The following LYPD6 variants were observed in gnomAD, a reference collection of about 807,000 sequenced individuals.
The protein encoded by LYPD6 is LY6/PLAUR domain containing 6.
LYPD6 carries 15 observed loss-of-function variants against 22.7 expected under a neutral mutation model. The observed-to-expected ratio is 0.66, with a 90% CI of 0.44 to 1.02. LYPD6 has a LOEUF of 1.02. Ranked by LOEUF, LYPD6 falls within the 50% of genes least tolerant of loss-of-function variation. LYPD6 has a pLI of 0.00. For synonymous variants in LYPD6, 72 were observed against 77.5 expected (o/e 0.93, Z 0.37); for missense variants, 189 against 208.4 (o/e 0.91, Z 0.57).
At chr2:149,448,202 A>G (rs2105161460) in intron 2 of LYPD6, among the ~76,000 whole-genome samples, 1 of 152,334 alleles carries the variant, frequency 6.6e-6, no homozygotes, top group African/African-American at 2.4e-5. Context: ...CTGAGGCAGG[A>G]GAATCACTTG....
In LYPD6 at chr2:149,409,725, TG is replaced by T. The variant is rs369254483; in HGVS notation, c.-71-27910del. Among the ~76,000 whole-genome samples the T allele has an allele frequency of 3.6e-3, 544 of 152,096 alleles. 6 individuals carry two copies. The highest frequency in any genetic ancestry group is 0.013 in the African/African-American group (519 of 41,482). Reference sequence around the variant, plus strand: ...TGAGTCACATAGGTTGCCAGGGAAGTGGGAGAAAGCTGGCAGTCACTGGCTT... The same window carrying T: ...TGAGTCACATAGGTTGCCAGGGAAGTGGAGAAAGCTGGCAGTCACTGGCTT... On this transcript the variant is annotated intron_variant, in intron 1 of 4. Coordinates refer to ENST00000334166, the MANE Select transcript of LYPD6 (RefSeq NM_194317.5).
intron 1 of LYPD6, among the ~76,000 whole-genome samples, chr2:149,376,218 C>A (rs375417222): frequency 1.3e-5 from 2 of 152,140 alleles, no homozygotes; most frequent in African/African-American, 4.8e-5. Flanking sequence ...TCCAGATTTG[C>A]GGTCTAAAAC....
intron 3 of LYPD6, among the ~76,000 whole-genome samples, chr2:149,463,257 C>T (rs1177884647): frequency 3.9e-5 from 6 of 151,942 alleles, no homozygotes; most frequent in Non-Finnish European, 8.8e-5. Context: ...AAGAAGATAA[C>T]CAGATGGCAA....
intron 1 of LYPD6, among the ~76,000 whole-genome samples, chr2:149,332,522 C>T (rs1271039868): frequency 6.6e-6 from 1 of 152,184 alleles, no homozygotes; most frequent in East Asian, 1.9e-4. Context: ...ATTAAAGTGT[C>T]TGAGGAAATC....
At chr2:149,367,283 G>A (rs769274218) in intron 1 of LYPD6, among the ~76,000 whole-genome samples, 29 of 152,226 alleles carry the variant, frequency 1.9e-4, no homozygotes, top group Middle Eastern at 3.4e-3. Flanking sequence ...CATGGTTGCC[G>A]CATAATCCAG....
intron 1 of LYPD6, among the ~76,000 whole-genome samples, chr2:149,334,526 T>C (rs974266171): frequency 6.6e-6 from 1 of 152,172 alleles, no homozygotes; most frequent in African/African-American, 2.4e-5. Flanking sequence ...AGCAGACTAA[T>C]TACAGATAAA....
At chr2:149,389,822 G>A (rs1437477984) in intron 1 of LYPD6, among the ~76,000 whole-genome samples, 3 of 152,112 alleles carry the variant, frequency 2.0e-5, no homozygotes, top group African/African-American at 7.2e-5. Flanking sequence ...TGTCATGTTA[G>A]TTCAGGACCC....
At chr2:149,351,008 T>C (rs1413359925) in intron 1 of LYPD6, among the ~76,000 whole-genome samples, 1 of 151,948 alleles carries the variant, frequency 6.6e-6, no homozygotes, top group African/African-American at 2.4e-5. Context: ...TTCCCAGAAG[T>C]GGGGAGAAGG....
intron 3 of LYPD6, 126 bp from the exon 4 acceptor site, chr2:149,468,519 A>T (rs887914526): frequency 1.9e-5 from 20 of 1,072,484 alleles, no homozygotes; most frequent in Non-Finnish European, 2.6e-5. Flanking sequence ...CATAAACTCA[A>T]AGCAGTGCAC....
At chr2:149,409,120 C>G (rs1398189213) in intron 1 of LYPD6, among the ~76,000 whole-genome samples, 1 of 152,184 alleles carries the variant, frequency 6.6e-6, no homozygotes, top group African/African-American at 2.4e-5. Context: ...GGTGCTCTCT[C>G]CTTTCCCCTA....
intron 1 of LYPD6, among the ~76,000 whole-genome samples, chr2:149,348,292 AG>A (rs1478846735): frequency 6.6e-6 from 1 of 152,208 alleles, no homozygotes; most frequent in Non-Finnish European, 1.5e-5. Context: ...CTACAGGAAT[AG>A]AGGCAGAAAA....
At chr2:149,461,629 A>G (rs1681089559) in intron 3 of LYPD6, among the ~76,000 whole-genome samples, 1 of 152,000 alleles carries the variant, frequency 6.6e-6, no homozygotes, top group African/African-American at 2.4e-5. Flanking sequence ...TTATTTTTTT[A>G]TGAATATAGA....
At chr2:149,420,070 A>C (rs1683047066) in intron 1 of LYPD6, among the ~76,000 whole-genome samples, 1 of 152,298 alleles carries the variant, frequency 6.6e-6, no homozygotes, top group Admixed American at 6.5e-5. Context: ...TATGAATAAC[A>C]TCAGAATAAG....
At chr2:149,403,439 G>A (rs1360775529) in intron 1 of LYPD6, among the ~76,000 whole-genome samples, 2 of 149,974 alleles carry the variant, frequency 1.3e-5, no homozygotes, top group East Asian at 1.9e-4. Flanking sequence ...GGTGTGAGAT[G>A]GTATCTCATT....
In LYPD6 at chr2:149,352,767, GAA is replaced by G. The variant is rs1300673806; in HGVS notation, c.-72+22049_-72+22050del. On this transcript the variant is annotated intron_variant, in intron 1 of 4. Coordinates refer to ENST00000334166, the MANE Select transcript of LYPD6 (RefSeq NM_194317.5). ...AATATTTGTTATCTGGCCCTTTATA[GAA>G]AAAGTTTGCTGGGCCCTACATAGGA... Among the ~76,000 whole-genome samples the G allele has an allele frequency of 1.2e-4, 18 of 152,264 alleles. No individual in the cohort carries two copies. In the East Asian group the frequency reaches 3.5e-3, roughly 29 times the overall value.
At chr2:149,337,488 G>T (rs10206766) in intron 1 of LYPD6, among the ~76,000 whole-genome samples, 48,765 of 151,842 alleles carry the variant, frequency 0.32, 8,132 homozygotes, top group African/African-American at 0.41. Flanking sequence ...CATTTCAGTT[G>T]GTTTTGTGCT....
intron 1 of LYPD6, among the ~76,000 whole-genome samples, chr2:149,334,763 T>A (rs1681003099): frequency 6.6e-6 from 1 of 151,960 alleles, no homozygotes; most frequent in African/African-American, 2.4e-5. Context: ...ACGATTTTTT[T>A]TTTTTTTTTC....
the LYPD6 span, among the ~76,000 whole-genome samples, chr2:149,480,962 C>G: frequency 6.6e-6 from 1 of 152,328 alleles, no homozygotes; most frequent in East Asian, 1.9e-4. Context: ...ACTGAAACTT[C>G]ATTGCAGCCC....
At chr2:149,421,802 C>T (rs923031673) in intron 1 of LYPD6, among the ~76,000 whole-genome samples, 9 of 152,064 alleles carry the variant, frequency 5.9e-5, no homozygotes, top group Admixed American at 3.3e-4. Flanking sequence ...CATTAGTTAA[C>T]GGAATGGGTG....
Sources: allele counts gnomAD v4.1 joint callset (sites outside exome capture counted in the v4.1 genomes callset), GRCh38; gene constraint gnomAD v4.1.1; transcripts MANE v1.5; gene names NCBI Gene and HGNC (gene_info 2026-07-23, HGNC 2026-07-21).